The following FHDC1 variants were observed in gnomAD, a reference collection of about 807,000 sequenced individuals.
The protein encoded by FHDC1 is FH2 domain-containing protein 1.
A neutral mutation model predicts 52.6 loss-of-function variants in FHDC1; 25 were observed. The observed-to-expected ratio is 0.48, with a 90% CI of 0.35 to 0.66. FHDC1 has a LOEUF of 0.66. Ranked by LOEUF, FHDC1 falls within the 30% of genes least tolerant of loss-of-function variation. The pLI, the probability that FHDC1 is intolerant of heterozygous loss-of-function variation, is 0.01. For synonymous variants in FHDC1, 616 were observed against 581.5 expected (o/e 1.06, Z -0.85); for missense variants, 1,459 against 1,452.8 (o/e 1.00, Z -0.07).
Position 152,975,665 on chromosome 4 carries a change from A to G in FHDC1, c.2374A>G (p.Arg792Gly). Reference protein sequence around the residue: ...TLDCSEGTDSRPRGGDPEEGG... With the variant: ...TLDCSEGTDSGPRGGDPEEGG... ...GGACTGCTCAGAGGGAACCGACTCC[A>G]GACCCAGAGGCGGGGACCCGGAGGA... Residue 792 changes from arginine (R) to glycine (G), a missense_variant, in exon 12 of 12, where the codon AGA (arginine) becomes GGA (glycine). By Grantham distance (125) the Arg-to-Gly change is moderately radical. This residue lies in a region of FHDC1 where 939 missense variants were observed against 854.5 expected (regional missense o/e 1.10). Coordinates refer to ENST00000511601, the MANE Select transcript of FHDC1 (RefSeq NM_001371116.1). The G allele has an allele frequency of 6.2e-7, 1 of 1,613,384 alleles. No homozygotes were observed. Among genetic ancestry groups the G allele is most frequent in the Non-Finnish European group, 8.5e-7 (1 of 1,179,750 alleles).
chr4:152,970,196 T>G (rs1740601520), intron 10 of FHDC1, among the ~76,000 whole-genome samples: 2 of 152,188 alleles, frequency 1.3e-5, no homozygotes, highest in African/African-American at 4.8e-5. Context: ...TTTGCAGATC[T>G]ATTTCAGCAT....
the FHDC1 span, among the ~76,000 whole-genome samples, chr4:152,920,970 C>G: frequency 6.6e-6 from 1 of 151,842 alleles, no homozygotes; most frequent in Non-Finnish European, 1.5e-5. Context: ...TTACACAGAC[C>G]ATTCATGACA....
At chr4:152,919,731 G>T in the FHDC1 span, among the ~76,000 whole-genome samples, 1 of 152,012 alleles carries the variant, frequency 6.6e-6, no homozygotes, top group African/African-American at 2.4e-5. Context: ...CAATTTATAT[G>T]ACTTTAGTTT....
At position 152,976,136 on chromosome 4, in the gene FHDC1, TC is replaced by T. The variant is rs746997132; in HGVS notation, c.2847del (p.Thr950GlnfsTer98). 20 of 1,611,384 alleles carry T rather than the reference TC, an allele frequency of 1.2e-5. No individual in the cohort carries two copies. Among genetic ancestry groups the T allele is most frequent in the Admixed American group, 3.3e-5 (2 of 59,854 alleles). On this transcript the variant is annotated frameshift_variant, in exon 12 of 12. Coordinates refer to ENST00000511601, the MANE Select transcript of FHDC1 (RefSeq NM_001371116.1). LOFTEE classifies it low-confidence loss of function (END_TRUNC). ...WSRQNSVRRA[S>X]TGAEEQRLPR... ...ACGCCAGAACTCCGTGCGGAGGGCC[TC>T]CACAGGCGCCGAAGAGCAGAGGCTG...
At chr4:152,919,209 C>T in the FHDC1 span, among the ~76,000 whole-genome samples, 21 of 152,330 alleles carry the variant, frequency 1.4e-4, no homozygotes, top group Middle Eastern at 6.8e-3. Context: ...TAACAGCTGT[C>T]GAGCCTTGAA....
chr4:152,942,210 G>A (rs1739592665), intron 1 of FHDC1, among the ~76,000 whole-genome samples: 1 of 152,210 alleles, frequency 6.6e-6, no homozygotes, highest in Non-Finnish European at 1.5e-5. Flanking sequence ...GATGATAGAG[G>A]TCATTTAATG....
chr4:152,931,935 TAAAAAAAAAAAA>T (rs200667161), upstream of FHDC1, among the ~76,000 whole-genome samples: 50,012 of 96,406 alleles, frequency 0.52, 10,511 homozygotes, highest in Admixed American at 0.64. Context: ...AGAACCTGTC[TAAAAAAAAAAAA>T]AAAAAAAAAA....
At chr4:152,926,536 G>A in the FHDC1 span, among the ~76,000 whole-genome samples, 279 of 150,160 alleles carry the variant, frequency 1.9e-3, no homozygotes, top group Non-Finnish European at 3.5e-3. Context: ...CCAAACTGCA[G>A]TGTGAGGTGA....
intron 1 of FHDC1, among the ~76,000 whole-genome samples, chr4:152,942,052 C>T (rs1233776454): frequency 2.0e-5 from 3 of 152,174 alleles, no homozygotes; most frequent in African/African-American, 7.2e-5. Flanking sequence ...ATGCAACCCA[C>T]TAAAGTAAGT....
At position 152,960,752 on chromosome 4, in the gene FHDC1, T is replaced by C; in HGVS notation, c.758T>C (p.Leu253Pro). Residue 253 changes from leucine to proline, a missense_variant, in exon 6 of 12, where the codon CTT becomes CCT. By Grantham distance (98) the Leu-to-Pro change is moderately conservative. Coordinates refer to ENST00000511601, the MANE Select transcript of FHDC1 (RefSeq NM_001371116.1). The stretch of plus-strand genomic sequence containing the variant: ...ACTTTTTTATTTTTCAGCTATTCAC[T>C]TCGGATTGAAGCCATGGTGCTAAAG... ...YGLIQVPNYS[L>P]RIEAMVLKKE... 1 of 1,613,302 alleles carries C rather than the reference T, an allele frequency of 6.2e-7. No homozygotes were observed. The highest frequency in any genetic ancestry group is 8.5e-7 in the Non-Finnish European group (1 of 1,179,822).
the FHDC1 span, among the ~76,000 whole-genome samples, chr4:152,930,840 C>T: frequency 1.3e-5 from 2 of 152,204 alleles, no homozygotes; most frequent in African/African-American, 2.4e-5. Context: ...AGCACACACT[C>T]GATTTCCAAG....
At chr4:152,954,838 G>C (rs1175932322) in intron 4 of FHDC1, among the ~76,000 whole-genome samples, 1 of 152,126 alleles carries the variant, frequency 6.6e-6, no homozygotes, top group Admixed American at 6.5e-5. Context: ...ATTCAGATTT[G>C]AGCTATTCCC....
chr4:152,950,099 G>A (rs572790046), intron 2 of FHDC1, among the ~76,000 whole-genome samples: 7 of 152,260 alleles, frequency 4.6e-5, no homozygotes, highest in Non-Finnish European at 1.0e-4. Context: ...TCTTGCCTCT[G>A]ATTTGTCAGC....
chr4:152,976,929 A>T lies in FHDC1; in HGVS notation c.*206A>T, dbSNP rs1349994864. On this transcript the variant is annotated 3_prime_UTR_variant, in exon 12 of 12. Coordinates refer to ENST00000511601, the MANE Select transcript of FHDC1 (RefSeq NM_001371116.1). ...AGCCCTGCTGCAGTCCAGCGTCCAG[A>T]TGGATGCACGTTCACTACTGTGACG... 1 of 516,584 alleles carries T rather than the reference A, an allele frequency of 1.9e-6. No individual in the cohort carries two copies. Among genetic ancestry groups the T allele is most frequent in the Non-Finnish European group, 3.1e-6 (1 of 318,866 alleles). The allele number at this position is 516,584 out of a possible 1,614,324, so 32.0% of individuals were successfully genotyped here.
At chr4:152,916,071 G>A in the FHDC1 span, among the ~76,000 whole-genome samples, 1 of 152,002 alleles carries the variant, frequency 6.6e-6, no homozygotes, top group Non-Finnish European at 1.5e-5. Flanking sequence ...AGAATCAATT[G>A]GACAAATCCA....
chr4:152,962,784 T>A, intron 6 of FHDC1, 30 bp from the exon 7 acceptor site: 3 of 1,595,986 alleles, frequency 1.9e-6, no homozygotes, highest in Non-Finnish European at 1.7e-6. Context: ...AAGGCATCTC[T>A]AAGGTGCTGT....
At chr4:152,922,372 A>G in the FHDC1 span, among the ~76,000 whole-genome samples, 1 of 152,246 alleles carries the variant, frequency 6.6e-6, no homozygotes, top group African/African-American at 2.4e-5. Flanking sequence ...TCAATAGCTT[A>G]CCAACCAAAA....
At chr4:152,934,688 G>A (rs1234535811), upstream of FHDC1, among the ~76,000 whole-genome samples, 2 of 152,208 alleles carry the variant, frequency 1.3e-5, no homozygotes, top group Non-Finnish European at 2.9e-5. Context: ...AGGAAGAGAA[G>A]GGTCAGCAGA....
intron 4 of FHDC1, among the ~76,000 whole-genome samples, chr4:152,957,970 C>T (rs191718697): frequency 6.6e-6 from 1 of 152,298 alleles, no homozygotes; most frequent in East Asian, 1.9e-4. Context: ...TGGTGCTAGA[C>T]GTGGTAGAAA....
Sources: gnomAD v4.1 joint callset for allele counts (sites outside exome capture counted in the v4.1 genomes callset) on GRCh38, gnomAD v4.1.1 for gene constraint, gnomAD v4.1.1 regional missense constraint, MANE v1.5 for transcripts, NCBI Gene and HGNC (gene_info 2026-07-23, HGNC 2026-07-21) for gene names.